MACF1: variants seen among roughly 807,000 people sequenced by gnomAD.
The protein encoded by MACF1 is microtubule actin crosslinking factor 1.
A neutral mutation model predicts 854.8 loss-of-function variants in MACF1; 193 were observed. The observed-to-expected ratio is 0.23, with a 90% CI of 0.20 to 0.25. The LOEUF (loss-of-function observed/expected upper bound fraction) is 0.25, where lower values mean the gene tolerates loss of function less well. Ranked by LOEUF, MACF1 falls within the 10% of genes least tolerant of loss-of-function variation. The probability of loss-of-function intolerance (pLI) is 1.00; values close to 1 mark genes in which losing one functional copy is unlikely to be tolerated. For synonymous variants in MACF1, 3,185 were observed against 3,226.7 expected (o/e 0.99, Z 0.44); for missense variants, 7,722 against 8,929.1 (o/e 0.86, Z 5.45).
At chr1:39,422,016 A>G (rs1320389283) in intron 58 of MACF1, among the ~76,000 whole-genome samples, 1 of 152,122 alleles carries the variant, frequency 6.6e-6, no homozygotes, top group African/African-American at 2.4e-5. Context: ...CGGAGCTTGC[A>G]GTGAGCCGAG....
chr1:39,480,285 A>G (rs1166607327), intron 98 of MACF1, among the ~76,000 whole-genome samples: 2 of 152,116 alleles, frequency 1.3e-5, no homozygotes, highest in East Asian at 1.9e-4. Context: ...TCATGTTCTC[A>G]GTTTAAGTTT....
rs1260406580 is a variant in MACF1 at position 39,340,869 on chromosome 1, C to T, written c.10497C>T (p.Gly3499=). Residue 3499 remains glycine, a synonymous_variant, in exon 40 of 101, where the codon GGC becomes GGT. Coordinates refer to ENST00000564288, the MANE Select transcript of MACF1 (RefSeq NM_001394062.1). ...TTCAAGATCTGAGAGCCTGGGTTGG[C>T]AATAAAAATCTTATTCTGAACAGCA... ...GRLQDLRAWV[G]NKNLILNSKG... 6.2e-7 allele frequency: 1 copy of T among 1,613,868 alleles called. No individual in the cohort carries two copies. Among genetic ancestry groups the T allele is most frequent in the South Asian group, 1.1e-5 (1 of 91,010 alleles).
chr1:39,241,575 G>A (rs1474369441), intron 2 of MACF1, among the ~76,000 whole-genome samples: 8 of 145,520 alleles, frequency 5.5e-5, no homozygotes, highest in African/African-American at 7.7e-5. Context: ...CAGGAGAATC[G>A]CTTGAACCCT....
chr1:39,124,002 A>G (rs1223061223), intron 2 of MACF1, among the ~76,000 whole-genome samples: 1 of 151,168 alleles, frequency 6.6e-6, no homozygotes, highest in Non-Finnish European at 1.5e-5. Context: ...TGGCCTCTCA[A>G]AGTGCGGGAT....
At chr1:39,422,336 C>T (rs1302902798) in intron 58 of MACF1, 38 bp from the exon 59 acceptor site, 1 of 1,581,392 alleles carries the variant, frequency 6.3e-7, no homozygotes, top group Non-Finnish European at 8.7e-7. Context: ...AGTCTAATAG[C>T]CTTTGTATTA....
chr1:39,258,801 G>C (rs1378757918), intron 6 of MACF1, among the ~76,000 whole-genome samples: 1 of 152,206 alleles, frequency 6.6e-6, no homozygotes, highest in Non-Finnish European at 1.5e-5. Context: ...CAGGGATGAG[G>C]CCAAGGTGAC....
intron 58 of MACF1, chr1:39,410,688 C>A (rs772409781): frequency 6.2e-7 from 1 of 1,613,846 alleles, no homozygotes. Flanking sequence ...CACCCAACTT[C>A]CCAGAATTTG....
chr1:39,436,897 G>A (rs1041209569), intron 70 of MACF1, among the ~76,000 whole-genome samples: 8 of 152,210 alleles, frequency 5.3e-5, no homozygotes, highest in African/African-American at 1.9e-4. Context: ...AATAAGGTTA[G>A]ATTTGGTCTT....
At chr1:39,310,202 C>T (rs1161291199) in intron 24 of MACF1, 43 bp from the exon 25 acceptor site, 4 of 1,506,810 alleles carry the variant, frequency 2.7e-6, no homozygotes, top group Admixed American at 4.1e-5. Flanking sequence ...GGAAGTGTTA[C>T]ATTTTTATTC....
In MACF1 at chr1:39,189,347, T is replaced by C. The variant is rs114136705; in HGVS notation, c.221-41835T>C. Among the ~76,000 whole-genome samples the C allele has an allele frequency of 2.6e-3, 396 of 152,342 alleles. 4 individuals are homozygous for C. Among genetic ancestry groups the C allele is most frequent in the African/African-American group, 9.0e-3 (375 of 41,584 alleles). The stretch of plus-strand genomic sequence containing the variant: ...CAGTGTATCAAACTTTTGTTGCTAT[T>C]TCTTATTCTTATTTTCTGTGGGTTT... On this transcript the variant is annotated intron_variant, in intron 2 of 93. Transcript: ENST00000361689.
chr1:39,218,099 C>T (rs532178583), intron 1 of MACF1, among the ~76,000 whole-genome samples: 2 of 140,786 alleles, frequency 1.4e-5, no homozygotes, highest in East Asian at 2.2e-4. Context: ...AGGAGAATGG[C>T]GTAAACCCAG....
intron 37 of MACF1, 75 bp from the exon 38 acceptor site, chr1:39,337,107 A>G: frequency 2.1e-6 from 3 of 1,462,164 alleles, no homozygotes; most frequent in Non-Finnish European, 1.8e-6. Context: ...TTGTCTAACA[A>G]AAACCCCTGC....
rs1327220319 is a variant in MACF1, at chr1:39,352,777, C to CT, written c.11200-217dup. Reference sequence around the variant, plus strand: ...TGAAGTGAGCCACTGTGTCCTGCCTCTTTTTTTTTTTTTAAAGCAGTAAGA... The same window carrying CT: ...TGAAGTGAGCCACTGTGTCCTGCCTCTTTTTTTTTTTTTTAAAGCAGTAAGA... On this transcript the variant is annotated intron_variant, in intron 43 of 100. Coordinates refer to ENST00000564288, the MANE Select transcript of MACF1 (RefSeq NM_001394062.1). Among the ~76,000 whole-genome samples, 8,223 of 141,024 alleles carry CT rather than the reference C, an allele frequency of 0.058. 269 individuals are homozygous for CT. Among genetic ancestry groups the CT allele is most frequent in the African/African-American group, 0.099 (3,815 of 38,640 alleles). 92.5% of individuals were successfully genotyped at this position (141,024 alleles called of 152,430 possible). A position where few individuals can be genotyped will look rare whatever the true frequency, so the allele number is the denominator to read the frequency against.
At chr1:39,358,933 A>G in intron 46 of MACF1, 60 bp downstream of exon 46, 1 of 1,533,610 alleles carries the variant, frequency 6.5e-7, no homozygotes, top group Admixed American at 2.2e-5. Flanking sequence ...GGCGTAAAGT[A>G]CCCCAAAATA....
chr1:39,310,765 T>C (rs749458806), intron 25 of MACF1, 66 bp from the exon 26 acceptor site: 59 of 1,439,958 alleles, frequency 4.1e-5, no homozygotes, highest in Admixed American at 6.8e-5. Context: ...CTTTCATTAG[T>C]AGGATATCAG....
At chr1:39,226,308 G>C (rs1360473801) in intron 1 of MACF1, among the ~76,000 whole-genome samples, 1 of 152,048 alleles carries the variant, frequency 6.6e-6, no homozygotes, top group Non-Finnish European at 1.5e-5. Context: ...TTATGGAAGG[G>C]CTTGGTAGAT....
At chr1:39,368,463 T>C in intron 50 of MACF1, 149 bp downstream of exon 50, 1 of 699,810 alleles carries the variant, frequency 1.4e-6, no homozygotes, top group Non-Finnish European at 2.3e-6. Context: ...GTGCCTTTTT[T>C]TAGGCAAAGC....
chr1:39,445,998 A>G (rs1269727489), intron 80 of MACF1, among the ~76,000 whole-genome samples: 1 of 152,228 alleles, frequency 6.6e-6, no homozygotes, highest in Non-Finnish European at 1.5e-5. Flanking sequence ...GCTGTCATCC[A>G]TAGATCCTGC....
intron 58 of MACF1, among the ~76,000 whole-genome samples, chr1:39,414,973 G>A (rs964595133): frequency 6.6e-6 from 1 of 152,176 alleles, no homozygotes; most frequent in African/African-American, 2.4e-5. Flanking sequence ...GCATAACTCT[G>A]TGAGGATAAA....
Sources: gnomAD v4.1 joint callset for allele counts (sites outside exome capture counted in the v4.1 genomes callset) on GRCh38, gnomAD v4.1.1 for gene constraint, MANE v1.5 for transcripts, NCBI Gene and HGNC (gene_info 2026-07-23, HGNC 2026-07-21) for gene names.